The following UBE3C variants were observed in gnomAD, a reference collection of about 807,000 sequenced individuals.
UBE3C encodes ubiquitin protein ligase E3C.
UBE3C carries 42 observed loss-of-function variants against 129.4 expected under a neutral mutation model. The observed-to-expected ratio is 0.32, with a 90% CI of 0.25 to 0.42. The LOEUF is 0.42. UBE3C is among the 10% of genes least tolerant of loss of function. The probability of loss-of-function intolerance (pLI) is 1.00; values close to 1 mark genes in which losing one functional copy is unlikely to be tolerated. For missense variants in UBE3C, 1,049 were observed against 1,319.1 expected, an observed-to-expected ratio of 0.80 and a Z score of 3.17; for synonymous variants, 510 against 492.4, an observed-to-expected ratio of 1.04 and a Z score of -0.47.
intron 8 of UBE3C, 74 bp from the exon 9 acceptor site, chr7:157,183,804 A>G: frequency 6.5e-7 from 1 of 1,536,724 alleles, no homozygotes; most frequent in Non-Finnish European, 8.8e-7. Context: ...GTGTGAGGAA[A>G]AATGGCGTCT....
At chr7:157,253,098 A>G (rs1796659853) in intron 19 of UBE3C, among the ~76,000 whole-genome samples, 1 of 152,208 alleles carries the variant, frequency 6.6e-6, no homozygotes, top group Non-Finnish European at 1.5e-5. Flanking sequence ...CTCTTTATAA[A>G]TTATGATTAC....
chr7:157,241,058 T>C (rs1796306438), intron 18 of UBE3C, among the ~76,000 whole-genome samples: 1 of 152,018 alleles, frequency 6.6e-6, no homozygotes, highest in African/African-American at 2.4e-5. Context: ...AAGGGAAGGA[T>C]GGTCTGGAAG....
intron 19 of UBE3C, among the ~76,000 whole-genome samples, chr7:157,253,413 A>G (rs908265187): frequency 6.6e-5 from 10 of 152,220 alleles, no homozygotes; most frequent in Non-Finnish European, 1.5e-5. Flanking sequence ...CTCTGTTTAT[A>G]TACATAAGAA....
chr7:157,192,981 CTT>C (rs1409554957), intron 10 of UBE3C: 3 of 589,328 alleles, frequency 5.1e-6, no homozygotes, highest in Non-Finnish European at 9.0e-6. Context: ...ATCTGTAAAT[CTT>C]TTAATTAAAG....
chr7:157,265,714 C>T (rs1441404727), intron 22 of UBE3C, among the ~76,000 whole-genome samples: 1 of 152,140 alleles, frequency 6.6e-6, no homozygotes, highest in Non-Finnish European at 1.5e-5. Flanking sequence ...CAATTTTAAA[C>T]CTAAAGGAGG....
intron 1 of UBE3C, among the ~76,000 whole-genome samples, chr7:157,160,850 T>C (rs1808049985): frequency 6.6e-6 from 1 of 152,230 alleles, no homozygotes. Context: ...GAGTTTTCTT[T>C]TCCTTGTTTA....
Position 157,182,676 on chromosome 7 carries a change from AACATACAT to A in UBE3C, c.991+361_991+368del, listed in dbSNP as rs202051494. On this transcript the variant is annotated intron_variant, in intron 8 of 22. Coordinates refer to ENST00000348165, the MANE Select transcript of UBE3C (RefSeq NM_014671.3). The stretch of plus-strand genomic sequence containing the variant: ...AACATCTTCCTGTAGTATGTTTGAA[AACATACAT>A]ACATACATACATGCATGAATTATTC... Among the ~76,000 whole-genome samples, 58 of 152,186 alleles carry A rather than the reference AACATACAT, an allele frequency of 3.8e-4. No individual in the cohort carries two copies. In the East Asian group the frequency reaches 0.011, roughly 28 times the overall value.
chr7:157,172,790 C>A (rs1326670976), intron 4 of UBE3C, among the ~76,000 whole-genome samples: 1 of 152,202 alleles, frequency 6.6e-6, no homozygotes, highest in Non-Finnish European at 1.5e-5. Flanking sequence ...ATACTCTAAT[C>A]TTGTAGATTA....
chr7:157,218,725 G>T (rs1366304271), intron 14 of UBE3C, among the ~76,000 whole-genome samples: 2 of 152,178 alleles, frequency 1.3e-5, no homozygotes, highest in Non-Finnish European at 2.9e-5. Flanking sequence ...CAAGATGGGT[G>T]TGGAGTGCTC....
At chr7:157,141,587 G>A (rs541129221) in intron 1 of UBE3C, among the ~76,000 whole-genome samples, 1 of 152,280 alleles carries the variant, frequency 6.6e-6, no homozygotes, top group African/African-American at 2.4e-5. Context: ...GCATCCAAAC[G>A]TAGATACAGT....
intron 22 of UBE3C, among the ~76,000 whole-genome samples, chr7:157,262,576 C>A (rs1796949467): frequency 6.6e-6 from 1 of 151,642 alleles, no homozygotes. Flanking sequence ...CTACCACCAC[C>A]CCCAGCTAAT....
At chr7:157,248,241 T>G in intron 18 of UBE3C, 127 bp from the exon 19 acceptor site, 1 of 836,570 alleles carries the variant, frequency 1.2e-6, no homozygotes, top group Non-Finnish European at 1.9e-6. Flanking sequence ...GCTTCCATCT[T>G]CGGTACTATG....
chr7:157,187,151 C>G (rs1260791562), intron 10 of UBE3C, 130 bp downstream of exon 10: 11 of 1,091,704 alleles, frequency 1.0e-5, no homozygotes, highest in Non-Finnish European at 1.0e-5. Context: ...ATTCTACTGT[C>G]CAAGCGTTTC....
chr7:157,265,962 T>C (rs901863351), intron 22 of UBE3C, among the ~76,000 whole-genome samples: 1 of 152,220 alleles, frequency 6.6e-6, no homozygotes, highest in Non-Finnish European at 1.5e-5. Flanking sequence ...CCACTTTTCA[T>C]CATGCATTTG....
intron 11 of UBE3C, among the ~76,000 whole-genome samples, chr7:157,202,654 C>CA (rs930672124): frequency 1.0e-4 from 15 of 149,968 alleles, no homozygotes; most frequent in East Asian, 3.9e-4. Context: ...GACTTCCTCT[C>CA]AAAAAAAAAG....
rs1344568038 is a variant in UBE3C at position 157,139,209 on chromosome 7, C to T, written c.-64C>T. 4 of 1,291,696 alleles carry T rather than the reference C, an allele frequency of 3.1e-6. No individual in the cohort carries two copies. In the African/African-American group the frequency reaches 4.7e-5, roughly 15 times the overall value. The allele number at this position is 1,291,696 out of a possible 1,614,324, so 80.0% of individuals were successfully genotyped here. On this transcript the variant is annotated 5_prime_UTR_variant, in exon 1 of 23. Coordinates refer to ENST00000348165, the MANE Select transcript of UBE3C (RefSeq NM_014671.3). ...GGCGCCGAGAGCCTCCCAGCCCGCC[C>T]CGTGCCCCGCCCGCCCGGCTGCTTC...
chr7:157,148,536 C>T (rs1373520642), intron 1 of UBE3C, among the ~76,000 whole-genome samples: 4 of 151,736 alleles, frequency 2.6e-5, no homozygotes, highest in African/African-American at 9.7e-5. Flanking sequence ...GTAAAACTGC[C>T]CTCTATTATA....
intron 2 of UBE3C, among the ~76,000 whole-genome samples, chr7:157,164,911 G>T (rs1040456219): frequency 8.5e-5 from 13 of 152,158 alleles, no homozygotes; most frequent in African/African-American, 2.9e-4. Flanking sequence ...CTCTGAGGTG[G>T]TTACAGTGAA....
intron 10 of UBE3C, among the ~76,000 whole-genome samples, chr7:157,199,743 T>C (rs1451427049): frequency 6.6e-6 from 1 of 152,186 alleles, no homozygotes; most frequent in Non-Finnish European, 1.5e-5. Flanking sequence ...AGTGCTGGGA[T>C]TACAGGCGTG....
Sources: allele counts gnomAD v4.1 joint callset (sites outside exome capture counted in the v4.1 genomes callset), GRCh38; gene constraint gnomAD v4.1.1; transcripts MANE v1.5; gene names NCBI Gene and HGNC (gene_info 2026-07-23, HGNC 2026-07-21).